The following SAMD5 variants were observed in gnomAD, a reference collection of about 807,000 sequenced individuals.
The protein encoded by SAMD5 is sterile alpha motif domain-containing protein 5.
In SAMD5, 13 loss-of-function variants were observed where a neutral mutation model predicts 11.3. That is an observed-to-expected ratio of 1.15 (90% CI 0.75 to 1.83). The LOEUF is 1.83. SAMD5 is among the 40% of genes most tolerant of loss of function. The pLI, the probability that SAMD5 is intolerant of heterozygous loss-of-function variation, is 0.00. For missense variants in SAMD5, 255 were observed against 239.1 expected (o/e 1.07, Z -0.44); for synonymous variants, 129 against 111.3 (o/e 1.16, Z -1.00).
At chr6:147,809,889 G>T in the SAMD5 span, among the ~76,000 whole-genome samples, 1 of 152,112 alleles carries the variant, frequency 6.6e-6, no homozygotes, top group African/African-American at 2.4e-5. Context: ...AATGTCCCCT[G>T]GGGGCAAAAC....
chr6:147,937,924 G>T, the SAMD5 span, among the ~76,000 whole-genome samples: 1 of 152,000 alleles, frequency 6.6e-6, no homozygotes, highest in South Asian at 2.1e-4. Flanking sequence ...TCTAGGGTCT[G>T]GTACTTCAAG....
chr6:147,653,544 T>C (rs1300883026), intron 1 of SAMD5, among the ~76,000 whole-genome samples: 1 of 152,226 alleles, frequency 6.6e-6, no homozygotes, highest in Non-Finnish European at 1.5e-5. Context: ...CGGTGTCTGG[T>C]TCAAAGACTT....
chr6:147,534,736 G>A (rs905489750), intron 1 of SAMD5, among the ~76,000 whole-genome samples: 5 of 152,166 alleles, frequency 3.3e-5, no homozygotes, highest in Admixed American at 6.5e-5. Flanking sequence ...TCAAGGGCAG[G>A]CAAAATATCT....
chr6:147,728,713 TA>T (rs1456932960), intron 1 of SAMD5, among the ~76,000 whole-genome samples: 1 of 152,186 alleles, frequency 6.6e-6, no homozygotes, highest in Non-Finnish European at 1.5e-5. Context: ...TTTTAAAAAA[TA>T]GGCCAGTCTA....
chr6:147,681,872 G>A (rs1325949737), intron 1 of SAMD5, among the ~76,000 whole-genome samples: 1 of 152,144 alleles, frequency 6.6e-6, no homozygotes, highest in East Asian at 1.9e-4. Flanking sequence ...TGGCTGGTGG[G>A]AAAAGAGGCT....
intron 1 of SAMD5, among the ~76,000 whole-genome samples, chr6:147,720,387 C>T (rs999300311): frequency 1.3e-5 from 2 of 151,986 alleles, no homozygotes; most frequent in African/African-American, 2.4e-5. Context: ...GGCGGGAACC[C>T]AGGAGGCGGA....
chr6:147,897,516 A>G, the SAMD5 span, among the ~76,000 whole-genome samples: 1 of 152,222 alleles, frequency 6.6e-6, no homozygotes, highest in Non-Finnish European at 1.5e-5. Flanking sequence ...TGTGGTGGAA[A>G]GAGAAGCGGC....
the SAMD5 span, among the ~76,000 whole-genome samples, chr6:147,830,690 G>A: frequency 6.6e-6 from 1 of 152,036 alleles, no homozygotes; most frequent in Non-Finnish European, 1.5e-5. Context: ...CTAGATAAGG[G>A]AAAAGAAAGA....
intron 1 of SAMD5, among the ~76,000 whole-genome samples, chr6:147,696,469 C>G (rs1791177721): frequency 6.6e-6 from 1 of 152,190 alleles, no homozygotes; most frequent in African/African-American, 2.4e-5. Context: ...CTACCCAGGC[C>G]TCCCTGGTCA....
intron 1 of SAMD5, among the ~76,000 whole-genome samples, chr6:147,575,749 C>G (rs1009807975): frequency 3.9e-5 from 6 of 152,120 alleles, no homozygotes; most frequent in African/African-American, 1.4e-4. Flanking sequence ...ATATTATTCT[C>G]CAGTGGGTCT....
chr6:147,899,061 G>C, the SAMD5 span, among the ~76,000 whole-genome samples: 6 of 150,340 alleles, frequency 4.0e-5, no homozygotes, highest in African/African-American at 1.5e-4. Flanking sequence ...GGCACCTGTA[G>C]TCCCAGCTAC....
chr6:147,806,406 A>C, the SAMD5 span, among the ~76,000 whole-genome samples: 2 of 152,168 alleles, frequency 1.3e-5, no homozygotes, highest in Admixed American at 1.3e-4. Flanking sequence ...CAGAGTAAAA[A>C]CACAATAGAT....
intron 1 of SAMD5, among the ~76,000 whole-genome samples, chr6:147,719,230 G>C (rs12195380): frequency 0.023 from 3,551 of 152,296 alleles, 68 homozygotes; most frequent in Non-Finnish European, 0.039. Context: ...CAAGGAAACA[G>C]GTACCAGAAT....
intron 1 of SAMD5, among the ~76,000 whole-genome samples, chr6:147,563,370 G>C (rs755669987): frequency 3.9e-4 from 60 of 152,160 alleles, no homozygotes; most frequent in Admixed American, 2.1e-3. Flanking sequence ...TACAAGGCTT[G>C]GAGAGGTTGC....
chr6:147,795,380 A>G, the SAMD5 span, among the ~76,000 whole-genome samples: 13 of 140,034 alleles, frequency 9.3e-5, no homozygotes, highest in African/African-American at 3.5e-4. Context: ...CCATGTCCCT[A>G]CAAAGGACAT....
At chr6:147,580,318 C>T (rs1789278373) in intron 1 of SAMD5, among the ~76,000 whole-genome samples, 2 of 152,318 alleles carry the variant, frequency 1.3e-5, no homozygotes, top group South Asian at 4.1e-4. Flanking sequence ...CAACCTTTTC[C>T]TAAACATCCC....
the SAMD5 span, among the ~76,000 whole-genome samples, chr6:147,813,721 T>C: frequency 6.6e-6 from 1 of 152,224 alleles, no homozygotes; most frequent in African/African-American, 2.4e-5. Context: ...AGTAGCAATA[T>C]GCCTTCTTTT....
chr6:147,717,804 T>C (rs1791489521), intron 1 of SAMD5, among the ~76,000 whole-genome samples: 1 of 151,972 alleles, frequency 6.6e-6, no homozygotes, highest in African/African-American at 2.4e-5. Context: ...TGAGCCGAGA[T>C]TGCACCACTG....
At chr6:147,553,914 ACACGGG>A (rs1245162890) in intron 1 of SAMD5, among the ~76,000 whole-genome samples, 2 of 152,174 alleles carry the variant, frequency 1.3e-5, no homozygotes, top group African/African-American at 4.8e-5. Context: ...ACGGAAAACA[ACACGGG>A]TACCCTGGAC....
Sources: gnomAD v4.1 joint callset for allele counts (sites outside exome capture counted in the v4.1 genomes callset) on GRCh38, gnomAD v4.1.1 for gene constraint, MANE v1.5 for transcripts, NCBI Gene and HGNC (gene_info 2026-07-23, HGNC 2026-07-21) for gene names.